Variants in UQCRB observed in about 807,000 individuals in gnomAD.
UQCRB encodes ubiquinol-cytochrome c reductase binding protein.
Under a neutral mutation model 19.8 loss-of-function variants are expected in UQCRB, and 12 were observed. The observed-to-expected ratio is 0.61, with a 90% CI of 0.39 to 0.98. UQCRB has a LOEUF of 0.98. Ranked by LOEUF, UQCRB falls within the 50% of genes least tolerant of loss-of-function variation. The pLI is 0.00. For synonymous variants in UQCRB, 39 were observed against 42.9 expected (o/e 0.91, Z 0.35); for missense variants, 142 against 131.8 (o/e 1.08, Z -0.38).
intron 1 of UQCRB, chr8:96,234,468 A>T (rs1213181450): frequency 7.8e-7 from 1 of 1,287,524 alleles, no homozygotes; most frequent in Non-Finnish European, 1.0e-6. Context: ...GGGAGTTGAG[A>T]TCTGGTCTAT....
At position 96,230,260 on chromosome 8, in the gene UQCRB, A is replaced by G; in HGVS notation, c.*795T>C. 1 of 425,960 alleles carries G rather than the reference A, an allele frequency of 2.3e-6. No homozygotes were observed. The highest frequency in any genetic ancestry group is 1.7e-5 in the South Asian group (1 of 59,320). The allele number at this position is 425,960 out of a possible 1,614,324, so 26.4% of individuals were successfully genotyped here. A position where few individuals can be genotyped will look rare whatever the true frequency, so the allele number is the denominator to read the frequency against. ...CTAGCTAATTTTTTGTATTTTTAGTAGAGACAGGGTTTCACCATGTTGGCC... is the reference window on the plus strand; with the variant it reads ...CTAGCTAATTTTTTGTATTTTTAGTGGAGACAGGGTTTCACCATGTTGGCC... On this transcript the variant is annotated 3_prime_UTR_variant, in exon 4 of 4. Transcript: ENST00000287022.
chr8:96,235,477 G>A (rs1289979070), intron 1 of UQCRB, 35 bp downstream of exon 1: 2 of 1,614,182 alleles, frequency 1.2e-6, no homozygotes, highest in Non-Finnish European at 8.5e-7. Flanking sequence ...GGTGAAGCGC[G>A]ACGATGCCGG....
chr8:96,234,790 C>T (rs1014946164), intron 1 of UQCRB: 1 of 193,116 alleles, frequency 5.2e-6, no homozygotes, highest in Admixed American at 6.2e-5. Flanking sequence ...AACAAACAAA[C>T]AAACAAAACG....
intron 3 of UQCRB, 146 bp downstream of exon 3, chr8:96,231,628 C>G (rs148982607): frequency 1.1e-5 from 15 of 1,383,944 alleles, no homozygotes; most frequent in Middle Eastern, 1.8e-4. Flanking sequence ...TCTTCTAAAA[C>G]GGAAATAACA....
rs1168329965 is a variant in UQCRB at position 96,227,780 on chromosome 8, TTAA to T, written c.*3272_*3274del. The T allele has an allele frequency of 2.2e-6, 1 of 453,780 alleles. No homozygotes were observed. The highest frequency in any genetic ancestry group is 4.4e-6 in the Non-Finnish European group (1 of 226,662). 28.1% of individuals were successfully genotyped at this position (453,780 alleles called of 1,614,324 possible). On this transcript the variant is annotated 3_prime_UTR_variant, in exon 4 of 4. Coordinates refer to ENST00000287022, the MANE Select transcript of UQCRB (RefSeq NM_006294.5). ...TTCATAAGTCAAAATTAGTGCAGAG[TTAA>T]TGCTTGAAAAGGGAGTCCTTAAAGT... is the stretch of plus-strand genomic sequence containing the variant.
rs374844726 is a variant in UQCRB at position 96,235,515 on chromosome 8, C to T, written c.16G>A (p.Ala6Thr). The T allele has an allele frequency of 1.4e-5, 22 of 1,614,116 alleles. No homozygotes were observed. The highest frequency in any genetic ancestry group is 1.8e-5 in the Non-Finnish European group (21 of 1,180,052). Residue 6 changes from alanine (A) to threonine (T), a missense_variant, in exon 1 of 4, where the codon GCC becomes ACC. Physicochemically the swap from Ala to Thr is moderately conservative, Grantham distance 58. Transcript: ENST00000287022. Reference protein sequence around the residue: MAGKQAVSASGKWLDG... With the variant: MAGKQTVSASGKWLDG... The stretch of plus-strand genomic sequence containing the variant: ...AAGAAGACCCCCAGTTACTTACCGG[C>T]CTGCTTACCAGCCATTTTGACCAGA...
chr8:96,235,034 C>T (rs1167242954), intron 1 of UQCRB: 2 of 259,376 alleles, frequency 7.7e-6, no homozygotes, highest in African/African-American at 4.5e-5. Flanking sequence ...ATTCTACTTC[C>T]TTGGGTCACT....
rs1421047759 is a variant in UQCRB at position 96,230,754 on chromosome 8, A to G, written c.*301T>C. On this transcript the variant is annotated 3_prime_UTR_variant, in exon 4 of 4. Coordinates refer to ENST00000287022, the MANE Select transcript of UQCRB (RefSeq NM_006294.5). ...GCTTCCATAAGGATGTAACTTACGG[A>G]AGTTATATCCTTCCATAAACTGATA... The G allele has an allele frequency of 5.5e-6, 3 of 542,814 alleles. No individual in the cohort carries two copies. Among genetic ancestry groups the G allele is most frequent in the Non-Finnish European group, 1.1e-5 (3 of 283,776 alleles). The allele number at this position is 542,814 out of a possible 1,614,324, so 33.6% of individuals were successfully genotyped here.
intron 1 of UQCRB, chr8:96,234,425 A>T: frequency 1.8e-6 from 2 of 1,086,292 alleles, no homozygotes; most frequent in Non-Finnish European, 1.2e-6. Context: ...TGGCTTACAG[A>T]AGTGATCCCA....
At position 96,229,679 on chromosome 8, in the gene UQCRB, T is replaced by G. The variant is rs1370468928; in HGVS notation, c.*1376A>C. ...CACAATGTGACCTGAGCAAAACCAT[T>G]ATCAAGTGATCTAGTTGTCTTCAAC... On this transcript the variant is annotated 3_prime_UTR_variant, in exon 4 of 4. Coordinates refer to ENST00000287022, the MANE Select transcript of UQCRB (RefSeq NM_006294.5). The G allele has an allele frequency of 2.2e-6, 1 of 453,584 alleles. No individual in the cohort carries two copies. The highest frequency in any genetic ancestry group is 4.4e-6 in the Non-Finnish European group (1 of 226,718). The allele number at this position is 453,584 out of a possible 1,614,324, so 28.1% of individuals were successfully genotyped here.
chr8:96,230,804 T>C lies in UQCRB; in HGVS notation c.*251A>G. The C allele has an allele frequency of 4.8e-6, 3 of 629,286 alleles. No homozygotes were observed. Among genetic ancestry groups the C allele is most frequent in the Non-Finnish European group, 3.0e-6 (1 of 334,948 alleles). 39.0% of individuals were successfully genotyped at this position (629,286 alleles called of 1,614,324 possible). ...AGGCTATCCAACCAGTGAGGAAAAC[T>C]GATAAAGTGGCTTCTGAGCTCCAAG... On this transcript the variant is annotated 3_prime_UTR_variant, in exon 4 of 4. Transcript: ENST00000287022.
intron 1 of UQCRB, chr8:96,233,538 T>C (rs941301786): frequency 9.2e-6 from 3 of 326,770 alleles, no homozygotes; most frequent in Admixed American, 4.6e-5. Context: ...AAAAGATCCA[T>C]AGGTACATCG....
intron 1 of UQCRB, 40 bp from the exon 2 acceptor site, chr8:96,233,267 T>C: frequency 1.3e-6 from 2 of 1,592,520 alleles, no homozygotes; most frequent in Middle Eastern, 1.7e-4. Context: ...AATTTAATTA[T>C]ACTATATGAA....
rs1809525283 is a variant in UQCRB, at chr8:96,226,337, G to C, written c.*4718C>G. ...CAAAGCTAGTATTCCATCAGTATTA[G>C]TTCATCCCAACAATAAAGAGCGTAA... is the stretch of plus-strand genomic sequence containing the variant. On this transcript the variant is annotated 3_prime_UTR_variant, in exon 4 of 4. Transcript: ENST00000287022. 1 of 160,626 alleles carries C rather than the reference G, an allele frequency of 6.2e-6. No individual in the cohort carries two copies. Among genetic ancestry groups the C allele is most frequent in the Non-Finnish European group, 1.3e-5 (1 of 74,096 alleles). The allele number at this position is 160,626 out of a possible 1,614,324, so 10.0% of individuals were successfully genotyped here.
intron 3 of UQCRB, 65 bp from the exon 4 acceptor site, chr8:96,231,197 G>T (rs139971705): frequency 1.2e-6 from 2 of 1,613,638 alleles, no homozygotes; most frequent in African/African-American, 1.3e-5. Context: ...CACTCAACAG[G>T]TCTTCAATAA....
In UQCRB at chr8:96,227,435, C is replaced by A. The variant is rs1056732764; in HGVS notation, c.*3620G>T. 36 of 453,938 alleles carry A rather than the reference C, an allele frequency of 7.9e-5. No individual in the cohort carries two copies. Among genetic ancestry groups the A allele is most frequent in the Admixed American group, 4.5e-4 (19 of 42,554 alleles). 28.1% of individuals were successfully genotyped at this position (453,938 alleles called of 1,614,324 possible). On this transcript the variant is annotated 3_prime_UTR_variant, in exon 4 of 4. Transcript: ENST00000287022. Reference sequence around the variant, plus strand: ...CGCCACCTAGTGGCAGAATTTCATGCCTTGTTCTAATAAAGGGATTTTCCT... The same window carrying A: ...CGCCACCTAGTGGCAGAATTTCATGACTTGTTCTAATAAAGGGATTTTCCT...
chr8:96,227,751 T>C lies in UQCRB; in HGVS notation c.*3304A>G, dbSNP rs1472516318. On this transcript the variant is annotated 3_prime_UTR_variant, in exon 4 of 4. Coordinates refer to ENST00000287022, the MANE Select transcript of UQCRB (RefSeq NM_006294.5). ...CCCAGTTTTTATTCTTACTGCTGAA[T>C]CTTTTCATAAGTCAAAATTAGTGCA... 2 of 453,826 alleles carry C rather than the reference T, an allele frequency of 4.4e-6. No individual in the cohort carries two copies. The highest frequency in any genetic ancestry group is 3.1e-5 in the South Asian group (2 of 64,380). 28.1% of individuals were successfully genotyped at this position (453,826 alleles called of 1,614,324 possible).
rs772557011 is a variant in UQCRB at position 96,235,506 on chromosome 8, A to C, written c.19+6T>G. On this transcript the variant is annotated splice_donor_region_variant and intron_variant, in intron 1 of 3. Coordinates refer to ENST00000287022, the MANE Select transcript of UQCRB (RefSeq NM_006294.5). ...ATGCCGGCCAAGAAGACCCCCAGTT[A>C]CTTACCGGCCTGCTTACCAGCCATT... 6 of 1,614,098 alleles carry C rather than the reference A, an allele frequency of 3.7e-6. No individual in the cohort carries two copies. The South Asian group carries it at 5.5e-5, about 15-fold the overall frequency.
chr8:96,234,787 A>C, intron 1 of UQCRB: 3 of 234,926 alleles, frequency 1.3e-5, no homozygotes, highest in South Asian at 1.2e-4. Context: ...CAAAACAAAC[A>C]AACAAACAAA....
Sources: allele counts gnomAD v4.1 joint callset, GRCh38; gene constraint gnomAD v4.1.1; transcripts MANE v1.5; gene names NCBI Gene and HGNC (gene_info 2026-07-23, HGNC 2026-07-21).